The following MXD1 variants were observed in gnomAD, a reference collection of about 807,000 sequenced individuals.
The protein encoded by MXD1 is MAX-binding protein.
MXD1 carries 9 observed loss-of-function variants against 25.7 expected under a neutral mutation model. That is an observed-to-expected ratio of 0.35 (90% CI 0.21 to 0.61). The LOEUF (loss-of-function observed/expected upper bound fraction) is 0.61. Among genes scored for constraint, MXD1 ranks in the 20% least tolerant of loss-of-function variants. The pLI is 0.75. For missense variants in MXD1, 227 were observed against 292.4 expected (o/e 0.78, Z 1.63); for synonymous variants, 99 against 113.9 (o/e 0.87, Z 0.83).
In MXD1 at chr2:69,942,654, G is replaced by A. The variant is rs1203975242; in HGVS notation, c.*4370G>A. 1.3e-5 allele frequency: 2 copies of A among 152,136 alleles called. No individual in the cohort carries two copies. Among genetic ancestry groups the A allele is most frequent in the African/African-American group, 4.8e-5 (2 of 41,414 alleles). 9.4% of individuals were successfully genotyped at this position (152,136 alleles called of 1,614,324 possible). On this transcript the variant is annotated 3_prime_UTR_variant, in exon 6 of 6. Coordinates refer to ENST00000264444, the MANE Select transcript of MXD1 (RefSeq NM_002357.4). ...CCCCATCCCTAGAATTGGTGCTCTT[G>A]GAATATTGCTGTTACCATCATTTTT...
At chr2:69,926,857 A>G (rs554518882) in intron 3 of MXD1, among the ~76,000 whole-genome samples, 1 of 152,358 alleles carries the variant, frequency 6.6e-6, no homozygotes, top group South Asian at 2.1e-4. Flanking sequence ...CCAATAGGTC[A>G]GGAGCCAGGT....
At chr2:69,934,849 C>A (rs1677383205) in intron 3 of MXD1, among the ~76,000 whole-genome samples, 1 of 152,178 alleles carries the variant, frequency 6.6e-6, no homozygotes, top group South Asian at 2.1e-4. Context: ...CCTGGGTGGT[C>A]ATTTGGGTTG....
At chr2:69,937,783 T>G (rs1212945346) in intron 5 of MXD1, among the ~76,000 whole-genome samples, 1 of 152,006 alleles carries the variant, frequency 6.6e-6, no homozygotes, top group African/African-American at 2.4e-5. Flanking sequence ...CCTGGCAAAT[T>G]TTCCTATTTT....
rs184861518 is a variant in MXD1, at chr2:69,929,145, G to A, written c.204-6206G>A. Among the ~76,000 whole-genome samples the A allele has an allele frequency of 4.3e-4, 65 of 152,254 alleles. No homozygotes were observed. In the East Asian group the frequency reaches 6.2e-3, roughly 14 times the overall value. On this transcript the variant is annotated intron_variant, in intron 3 of 5. Coordinates refer to ENST00000264444, the MANE Select transcript of MXD1 (RefSeq NM_002357.4). ...TGGCCTCAAGTGATCCACCCTCCTC[G>A]GCCTCCGAAAGTGCTGGGATTACAG...
chr2:69,929,509 G>A (rs1340715481), intron 3 of MXD1, among the ~76,000 whole-genome samples: 1 of 152,200 alleles, frequency 6.6e-6, no homozygotes, highest in Non-Finnish European at 1.5e-5. Context: ...AATTGTCTGA[G>A]TTAGCCCAGG....
chr2:69,937,442 C>T (rs769508475), intron 5 of MXD1, 48 bp downstream of exon 5: 17 of 1,456,730 alleles, frequency 1.2e-5, no homozygotes, highest in Non-Finnish European at 1.3e-5. Flanking sequence ...CTCCCCAACC[C>T]CAGAGCAGGG....
rs765830543 is a variant in MXD1, at chr2:69,938,292, G to A, written c.*8G>A. 10 of 1,613,122 alleles carry A rather than the reference G, an allele frequency of 6.2e-6. No individual in the cohort carries two copies. The highest frequency in any genetic ancestry group is 4.4e-5 in the South Asian group (4 of 91,030). On this transcript the variant is annotated 3_prime_UTR_variant, in exon 6 of 6. Coordinates refer to ENST00000264444, the MANE Select transcript of MXD1 (RefSeq NM_002357.4). Reference sequence around the variant, plus strand: ...GCGTGTCTTGGTCTCTAAGAGAGTGGGCACTGCGGCTGTCTCCTTGAAGGT... The same window carrying A: ...GCGTGTCTTGGTCTCTAAGAGAGTGAGCACTGCGGCTGTCTCCTTGAAGGT...
intron 3 of MXD1, among the ~76,000 whole-genome samples, chr2:69,923,920 G>C (rs767934031): frequency 1.3e-5 from 2 of 152,106 alleles, no homozygotes; most frequent in Non-Finnish European, 2.9e-5. Flanking sequence ...CTTTAGTTTG[G>C]TATTTATTTT....
At chr2:69,919,701 A>G (rs1474449870) in intron 2 of MXD1, among the ~76,000 whole-genome samples, 1 of 152,172 alleles carries the variant, frequency 6.6e-6, no homozygotes, top group Non-Finnish European at 1.5e-5. Flanking sequence ...TTAAAATGCC[A>G]CGTGCTTTAG....
chr2:69,937,068 A>G, intron 4 of MXD1, 167 bp from the exon 5 acceptor site: 1 of 866,876 alleles, frequency 1.2e-6, no homozygotes, highest in Non-Finnish European at 2.0e-6. Flanking sequence ...CGAAGCCAGG[A>G]GTCACTGGCC....
chr2:69,915,415 CG>C lies in MXD1; in HGVS notation c.73+16del. 7.9e-7 allele frequency: 1 copy of C among 1,268,630 alleles called. No individual in the cohort carries two copies. The highest frequency in any genetic ancestry group is 4.2e-5 in the Admixed American group (1 of 23,988). The allele number at this position is 1,268,630 out of a possible 1,614,324, so 78.6% of individuals were successfully genotyped here. ...GCGGCGGGAGAGAGGTGCACGGGGA[CG>C]GGGAGGGGTCCACTCGAAACGAGGC... is the stretch of plus-strand genomic sequence containing the variant. On this transcript the variant is annotated intron_variant, in intron 1 of 5. Coordinates refer to ENST00000264444, the MANE Select transcript of MXD1 (RefSeq NM_002357.4). This position sits in a 1 kb window ranked among gnomAD's most constrained non-coding sequence, Gnocchi z 5.8.
In MXD1 at chr2:69,915,629, G is replaced by A. The variant is rs1335466254; in HGVS notation, c.73+226G>A. Among the ~76,000 whole-genome samples, 1 of 152,200 alleles carries A rather than the reference G, an allele frequency of 6.6e-6. No homozygotes were observed. The highest frequency in any genetic ancestry group is 2.4e-5 in the African/African-American group (1 of 41,454). On this transcript the variant is annotated intron_variant, in intron 1 of 5. Coordinates refer to ENST00000264444, the MANE Select transcript of MXD1 (RefSeq NM_002357.4). This position sits in a 1 kb window ranked among gnomAD's most constrained non-coding sequence, Gnocchi z 5.8. Reference sequence around the variant, plus strand: ...GCTGCCGCCCGCCGGGGTCCCGAACGCCGCCCCTTCCCCAGCCCTTCACGA... The same window carrying A: ...GCTGCCGCCCGCCGGGGTCCCGAACACCGCCCCTTCCCCAGCCCTTCACGA...
At chr2:69,921,355 G>C (rs1369196215) in intron 2 of MXD1, among the ~76,000 whole-genome samples, 1 of 152,178 alleles carries the variant, frequency 6.6e-6, no homozygotes, top group Non-Finnish European at 1.5e-5. Flanking sequence ...CAGGGGTGGG[G>C]TAGGGGTGCT....
At chr2:69,932,451 G>A (rs1391276355) in intron 3 of MXD1, among the ~76,000 whole-genome samples, 1 of 152,210 alleles carries the variant, frequency 6.6e-6, no homozygotes, top group East Asian at 1.9e-4. Flanking sequence ...GCAGCCATCA[G>A]GCTGCAGCAG....
intron 3 of MXD1, among the ~76,000 whole-genome samples, chr2:69,928,723 G>T (rs1034682516): frequency 4.0e-5 from 6 of 149,920 alleles, no homozygotes; most frequent in African/African-American, 1.5e-4. Flanking sequence ...AAAAAAACCT[G>T]TAGTCCCACC....
intron 3 of MXD1, among the ~76,000 whole-genome samples, chr2:69,934,208 T>C (rs1021430827): frequency 1.8e-4 from 28 of 152,172 alleles, no homozygotes; most frequent in African/African-American, 6.8e-4. Context: ...TCCCAGTGAA[T>C]AATATAAACA....
In MXD1 at chr2:69,938,171, G is replaced by A. The variant is rs1303191630; in HGVS notation, c.553G>A (p.Asp185Asn). The change falls in exon 6 of 6, where the codon GAC becomes AAC. Residue 185 changes from aspartate (D) to asparagine (N), a missense_variant. By Grantham distance (23) the Asp-to-Asn change is conservative (BLOSUM62 1). Coordinates refer to ENST00000264444, the MANE Select transcript of MXD1 (RefSeq NM_002357.4). ...DLDWSSSSVS[D>N]SDERGSMQSL... ...GGACTGGAGCAGCAGCAGTGTGAGC[G>A]ACTCTGACGAGCGGGGCAGCATGCA... 3.1e-6 allele frequency: 5 copies of A among 1,614,218 alleles called. No homozygotes were observed. The highest frequency in any genetic ancestry group is 3.4e-6 in the Non-Finnish European group (4 of 1,180,044).
intron 2 of MXD1, among the ~76,000 whole-genome samples, chr2:69,917,555 A>T (rs753974475): frequency 1.1e-4 from 17 of 152,212 alleles, no homozygotes; most frequent in Non-Finnish European, 2.4e-4. Flanking sequence ...CTGGAAAAGC[A>T]TCATCCATTT....
chr2:69,932,934 C>G (rs771705978), intron 3 of MXD1, among the ~76,000 whole-genome samples: 72 of 152,252 alleles, frequency 4.7e-4, no homozygotes, highest in Middle Eastern at 3.4e-3. Context: ...AAAATTAGCT[C>G]ATACCTGTAA....
Sources: gnomAD v4.1 joint callset for allele counts (sites outside exome capture counted in the v4.1 genomes callset) on GRCh38, gnomAD v4.1.1 for gene constraint, Gnocchi (gnomAD v3.1) non-coding constraint, MANE v1.5 for transcripts, NCBI Gene and HGNC (gene_info 2026-07-23, HGNC 2026-07-21) for gene names.